Variants in DNAH9 observed in about 807,000 individuals in gnomAD.
The protein encoded by DNAH9 is dynein axonemal heavy chain 9, also known as DNAH9 variant protein.
In DNAH9, 345 loss-of-function variants were observed where a neutral mutation model predicts 471.6. That is an observed-to-expected ratio of 0.73 (90% CI 0.67 to 0.80). The LOEUF is 0.80. DNAH9 is among the 30% of genes least tolerant of loss of function. The pLI is 0.00. For synonymous variants in DNAH9, 2,093 were observed against 2,123.6 expected (o/e 0.99, Z 0.40); for missense variants, 5,407 against 5,609.2 (o/e 0.96, Z 1.15).
chr17:11,700,059 C>T (rs1402756149), intron 23 of DNAH9, among the ~76,000 whole-genome samples, 176 bp downstream of exon 23: 2 of 152,214 alleles, frequency 1.3e-5, no homozygotes, highest in Admixed American at 6.5e-5. Context: ...AGCTGGCGCC[C>T]TGCTTTCCTC....
At chr17:11,712,655 G>C (rs185093996) in intron 26 of DNAH9, among the ~76,000 whole-genome samples, 1 of 151,950 alleles carries the variant, frequency 6.6e-6, no homozygotes, top group South Asian at 2.1e-4. Flanking sequence ...ACTTTAATTC[G>C]CATTTTTCTA....
intron 18 of DNAH9, among the ~76,000 whole-genome samples, chr17:11,680,243 G>GAA (rs779003153): frequency 0.025 from 3,514 of 142,952 alleles, 56 homozygotes; most frequent in Non-Finnish European, 0.033. Flanking sequence ...TTTTGGTTGA[G>GAA]AAAAAAAAAA....
At chr17:11,836,687 G>A (rs928319434) in intron 49 of DNAH9, among the ~76,000 whole-genome samples, 3 of 151,964 alleles carry the variant, frequency 2.0e-5, no homozygotes, top group Non-Finnish European at 2.9e-5. Context: ...CATTCATTCC[G>A]TCTAAATCTT....
At chr17:11,926,584 A>G (rs746094982) in intron 62 of DNAH9, among the ~76,000 whole-genome samples, 8 of 152,056 alleles carry the variant, frequency 5.3e-5, no homozygotes, top group Admixed American at 1.3e-4. Flanking sequence ...AAAGGACATG[A>G]TCTCGTTCCT....
chr17:11,917,616 T>G (rs1973999729), intron 61 of DNAH9, among the ~76,000 whole-genome samples: 1 of 152,228 alleles, frequency 6.6e-6, no homozygotes, highest in Non-Finnish European at 1.5e-5. Context: ...GCTTGTTTAT[T>G]TCTGCTTTTG....
rs9907677 is a variant in DNAH9, at chr17:11,848,868, G to A, written c.9508-5135G>A. Among the ~76,000 whole-genome samples, 1,217 of 151,208 alleles carry A rather than the reference G, an allele frequency of 8.0e-3. 17 individuals are homozygous for A. Among genetic ancestry groups the A allele is most frequent in the African/African-American group, 0.028 (1,150 of 41,172 alleles). ...CTTTTTTTTTTTGAGATGGAGTCTC[G>A]CTCTGTCGCCCAGGCTGGAGTGCAG... On this transcript the variant is annotated intron_variant, in intron 49 of 68. Coordinates refer to ENST00000262442, the MANE Select transcript of DNAH9 (RefSeq NM_001372.4).
chr17:11,668,781 T>A (rs1303806072), intron 15 of DNAH9, among the ~76,000 whole-genome samples: 2 of 151,812 alleles, frequency 1.3e-5, no homozygotes, highest in Non-Finnish European at 2.9e-5. Context: ...GTCACTAGGA[T>A]GTGCTCCATG....
chr17:11,676,275 CTTTTTTTTTTT>C (rs67397847), intron 17 of DNAH9, among the ~76,000 whole-genome samples: 2,921 of 74,240 alleles, frequency 0.039, 66 homozygotes, highest in East Asian at 0.17. Flanking sequence ...CATTTCTGTT[CTTTTTTTTTTT>C]TTTTTTTTTT....
chr17:11,875,070 T>G lies in DNAH9; in HGVS notation c.10364T>G (p.Ile3455Ser), dbSNP rs576633323. Residue 3455 changes from isoleucine (I) to serine (S), a missense_variant, in exon 53 of 69, where the codon ATT (isoleucine) becomes AGT (serine). By Grantham distance (142) the Ile-to-Ser change is moderately radical (BLOSUM62 -2). Transcript: ENST00000262442. ...ADRMSVENAT[I>S]LINCERWPLM... The stretch of plus-strand genomic sequence containing the variant: ...CGCATGTCCGTGGAGAATGCCACCA[T>G]TCTCATCAACTGTGAGCGCTGGCCA... The G allele has an allele frequency of 1.9e-6, 3 of 1,614,160 alleles. No individual in the cohort carries two copies. In the African/African-American group the frequency reaches 4.0e-5, roughly 22 times the overall value.
intron 51 of DNAH9, among the ~76,000 whole-genome samples, 171 bp downstream of exon 51, chr17:11,869,424 C>G (rs887494798): frequency 6.6e-6 from 1 of 152,170 alleles, no homozygotes; most frequent in African/African-American, 2.4e-5. Context: ...GATGCATAAA[C>G]CCTAATCTGG....
intron 20 of DNAH9, among the ~76,000 whole-genome samples, chr17:11,693,267 C>T (rs2074367392): frequency 1.4e-5 from 1 of 70,640 alleles, no homozygotes; most frequent in Admixed American, 2.1e-4. Flanking sequence ...TTTTTTGAGA[C>T]AAAGTCTCCC....
intron 19 of DNAH9, among the ~76,000 whole-genome samples, chr17:11,683,043 C>T (rs1389963946): frequency 2.0e-5 from 3 of 152,126 alleles, no homozygotes; most frequent in African/African-American, 7.2e-5. Flanking sequence ...AATTCAGAGC[C>T]AAAACTGCTG....
chr17:11,897,405 A>C (rs1247085312), intron 59 of DNAH9, among the ~76,000 whole-genome samples: 1 of 152,228 alleles, frequency 6.6e-6, no homozygotes, highest in Non-Finnish European at 1.5e-5. Context: ...AAGACCATTA[A>C]AATTAAATGC....
chr17:11,744,729 T>C, intron 30 of DNAH9, 68 bp from the exon 31 acceptor site: 2 of 1,376,690 alleles, frequency 1.5e-6, no homozygotes, highest in Non-Finnish European at 2.0e-6. Context: ...TATCTATGAT[T>C]CTGCAGACAC....
At chr17:11,926,035 G>GGAAAAAAAAAAA (rs1567555306) in intron 62 of DNAH9, among the ~76,000 whole-genome samples, 1 of 59,896 alleles carries the variant, frequency 1.7e-5, no homozygotes, top group Non-Finnish European at 2.8e-5. Flanking sequence ...GAGATTCTCT[G>GGAAAAAAAAAAA]AAAAAAAAAA....
chr17:11,824,124 A>G (rs1038825486), intron 48 of DNAH9, among the ~76,000 whole-genome samples: 2 of 151,898 alleles, frequency 1.3e-5, no homozygotes, highest in Non-Finnish European at 2.9e-5. Flanking sequence ...CTCTTTGATG[A>G]CCCCTTTCTA....
chr17:11,672,986 G>GTTCCCTCCCA (rs1236080496), intron 17 of DNAH9, among the ~76,000 whole-genome samples: 3 of 152,050 alleles, frequency 2.0e-5, no homozygotes, highest in African/African-American at 7.2e-5. Flanking sequence ...CTTGGTCCCT[G>GTTCCCTCCCA]TTCCCTCCCA....
intron 27 of DNAH9, among the ~76,000 whole-genome samples, chr17:11,727,047 C>CAAAAAAAAAAAAAAAAAAAA (rs55659834): frequency 1.5e-5 from 1 of 68,474 alleles, no homozygotes; most frequent in African/African-American, 6.4e-5. Flanking sequence ...GACTCCGTCT[C>CAAAAAAAAAAAAAAAAAAAA]AAAAAAAAAA....
At chr17:11,606,137 C>G (rs1467876620) in intron 1 of DNAH9, among the ~76,000 whole-genome samples, 1 of 152,068 alleles carries the variant, frequency 6.6e-6, no homozygotes, top group African/African-American at 2.4e-5. Context: ...TTTGAGCTCC[C>G]TTTACTGATT....
Sources: gnomAD v4.1 joint callset for allele counts (sites outside exome capture counted in the v4.1 genomes callset) on GRCh38, gnomAD v4.1.1 for gene constraint, MANE v1.5 for transcripts, NCBI Gene and HGNC (gene_info 2026-07-23, HGNC 2026-07-21) for gene names.